The following BICC1 variants were observed in gnomAD, a reference collection of about 807,000 sequenced individuals.
BICC1 encodes BicC family RNA binding protein 1.
BICC1 carries 43 observed loss-of-function variants against 111.0 expected under a neutral mutation model. The observed-to-expected ratio is 0.39, with a 90% CI of 0.30 to 0.50. The LOEUF (loss-of-function observed/expected upper bound fraction) is 0.50, where lower values mean the gene tolerates loss of function less well. BICC1 is among the 20% of genes least tolerant of loss of function. The pLI is 0.88. For missense variants in BICC1, 1,091 were observed against 1,203.2 expected, an observed-to-expected ratio of 0.91 and a Z score of 1.38; for synonymous variants, 467 against 434.4, an observed-to-expected ratio of 1.07 and a Z score of -0.93.
chr10:58,606,553 A>G (rs1845221850), intron 1 of BICC1, among the ~76,000 whole-genome samples: 1 of 152,048 alleles, frequency 6.6e-6, no homozygotes, highest in Non-Finnish European at 1.5e-5. Flanking sequence ...CCTAAAACTT[A>G]AAGTATAATA....
chr10:58,559,345 T>A (rs1224595719), intron 1 of BICC1, among the ~76,000 whole-genome samples: 2 of 152,218 alleles, frequency 1.3e-5, no homozygotes, highest in East Asian at 3.9e-4. Flanking sequence ...TTGTGTTTTT[T>A]TTTTGGTAAG....
At position 58,600,645 on chromosome 10, in the gene BICC1, T is replaced by C. The variant is rs138876225; in HGVS notation, c.191-20210T>C. On this transcript the variant is annotated intron_variant, in intron 1 of 20. Coordinates refer to ENST00000373886, the MANE Select transcript of BICC1 (RefSeq NM_001080512.3). ...AGTTTGAACTGTATGGGTCCACTTA[T>C]GTGTGGATTTTCTTGCACCTATGCC... Among the ~76,000 whole-genome samples, 294 of 152,272 alleles carry C rather than the reference T, an allele frequency of 1.9e-3. 1 individual carries two copies. Among genetic ancestry groups the C allele is most frequent in the African/African-American group, 6.7e-3 (279 of 41,572 alleles).
chr10:58,783,479 G>T (rs1049001906), intron 3 of BICC1, among the ~76,000 whole-genome samples: 2 of 151,840 alleles, frequency 1.3e-5, no homozygotes, highest in African/African-American at 4.8e-5. Flanking sequence ...GTGGGATGGG[G>T]GTGGGAGATC....
In BICC1 at chr10:58,786,927, A is replaced by G. The variant is rs745977190; in HGVS notation, c.392A>G (p.Asn131Ser). The G allele has an allele frequency of 1.3e-6, 2 of 1,579,800 alleles. No individual in the cohort carries two copies. The highest frequency in any genetic ancestry group is 1.9e-5 in the Admixed American group (1 of 52,182). The change falls in exon 5 of 21, where the codon AAT becomes AGT. Residue 131 changes from asparagine (N) to serine (S), a missense_variant. Transcript: ENST00000373886. The stretch of plus-strand genomic sequence containing the variant: ...TAATACATTATTTTCACATAGAGCA[A>G]TCGAGTCACACTGAAGATGGATGTT... The part of the protein sequence containing the change: ...MIMSVLDTKS[N>S]RVTLKMDVSH...
intron 1 of BICC1, among the ~76,000 whole-genome samples, chr10:58,552,908 C>T (rs116890823): frequency 4.1e-3 from 625 of 152,220 alleles, no homozygotes; most frequent in African/African-American, 7.8e-3. Flanking sequence ...GAACATTCCA[C>T]GTAGGCATGG....
intron 15 of BICC1, 37 bp from the exon 16 acceptor site, chr10:58,806,547 A>G: frequency 6.3e-7 from 1 of 1,586,606 alleles, no homozygotes; most frequent in Non-Finnish European, 8.7e-7. Flanking sequence ...ACATTTGGAG[A>G]GACTGTCAAT....
chr10:58,653,088 AT>A (rs1017237191), intron 2 of BICC1, among the ~76,000 whole-genome samples: 2 of 152,156 alleles, frequency 1.3e-5, no homozygotes, highest in South Asian at 2.1e-4. Flanking sequence ...CTAATCATTG[AT>A]TTTTTTATGA....
upstream of BICC1, among the ~76,000 whole-genome samples, chr10:58,512,346 A>G (rs765362068): frequency 2.6e-5 from 4 of 152,136 alleles, no homozygotes; most frequent in Non-Finnish European, 5.9e-5. Flanking sequence ...TTCTTCTCCA[A>G]GCCTTCTTTT....
At chr10:58,595,931 T>A (rs1844798991) in intron 1 of BICC1, among the ~76,000 whole-genome samples, 1 of 152,176 alleles carries the variant, frequency 6.6e-6, no homozygotes, top group African/African-American at 2.4e-5. Flanking sequence ...AGGAGCTGAT[T>A]TTTTGAAAAG....
At chr10:58,628,126 T>C (rs973106150) in intron 2 of BICC1, among the ~76,000 whole-genome samples, 1 of 152,138 alleles carries the variant, frequency 6.6e-6, no homozygotes, top group Non-Finnish European at 1.5e-5. Flanking sequence ...AGTGGTGAGA[T>C]TGTGATTGGT....
At chr10:58,603,813 G>C (rs16912415) in intron 1 of BICC1, among the ~76,000 whole-genome samples, 1 of 151,942 alleles carries the variant, frequency 6.6e-6, no homozygotes. Flanking sequence ...CATTCTGTTC[G>C]TTCAATTTCT....
intron 1 of BICC1, among the ~76,000 whole-genome samples, chr10:58,596,363 C>T (rs932082034): frequency 1.3e-5 from 2 of 152,136 alleles, no homozygotes; most frequent in Non-Finnish European, 2.9e-5. Context: ...ATTCAGCACC[C>T]CTTCATGCTA....
chr10:58,765,668 T>C (rs1207178298), intron 3 of BICC1, among the ~76,000 whole-genome samples: 17 of 152,178 alleles, frequency 1.1e-4, no homozygotes, highest in Admixed American at 1.1e-3. Flanking sequence ...GGCCAAATCA[T>C]AAATGAAGTA....
intron 2 of BICC1, among the ~76,000 whole-genome samples, chr10:58,678,821 A>G (rs1459650318): frequency 6.6e-6 from 1 of 152,228 alleles, no homozygotes; most frequent in Non-Finnish European, 1.5e-5. Flanking sequence ...AAGAATGGAA[A>G]TCATAACAAT....
In BICC1 at chr10:58,799,084, T is replaced by C. The variant is rs1196839597; in HGVS notation, c.1557T>C (p.Ile519=). The C allele has an allele frequency of 5.6e-6, 9 of 1,612,082 alleles. No individual in the cohort carries two copies. Among genetic ancestry groups the C allele is most frequent in the Non-Finnish European group, 7.6e-6 (9 of 1,178,776 alleles). The change falls in exon 12 of 21, where the codon ATT becomes ATC. Residue 519 remains isoleucine (I), a synonymous_variant. Coordinates refer to ENST00000373886, the MANE Select transcript of BICC1 (RefSeq NM_001080512.3). ...TGFSAIPHLM[I]PSTAQATLTN... ...TTTCTGCTATACCACACCTTATGAT[T>C]CCATCTACTGCCCAAGCCACATTAA... is the stretch of plus-strand genomic sequence containing the variant.
At chr10:58,523,190 C>T (rs1842438885) in intron 1 of BICC1, among the ~76,000 whole-genome samples, 1 of 152,142 alleles carries the variant, frequency 6.6e-6, no homozygotes, top group African/African-American at 2.4e-5. Flanking sequence ...GGGAATCCTC[C>T]CTAACTCATT....
At chr10:58,811,814 C>T (rs573005862) in intron 17 of BICC1, among the ~76,000 whole-genome samples, 3 of 152,216 alleles carry the variant, frequency 2.0e-5, no homozygotes, top group South Asian at 2.1e-4. Context: ...CAAGCTAAAA[C>T]CTAGATGCCA....
chr10:58,607,582 C>T (rs971654512), intron 1 of BICC1, among the ~76,000 whole-genome samples: 18 of 151,958 alleles, frequency 1.2e-4, no homozygotes, highest in African/African-American at 4.4e-4. Flanking sequence ...CATTCTCTTT[C>T]CCACTCCTCC....
At chr10:58,666,434 CA>C (rs1399251847) in intron 2 of BICC1, among the ~76,000 whole-genome samples, 2 of 152,278 alleles carry the variant, frequency 1.3e-5, no homozygotes, top group East Asian at 3.9e-4. Flanking sequence ...GAGTCCTTCT[CA>C]GGCCATATTT....
Sources: allele counts gnomAD v4.1 joint callset (sites outside exome capture counted in the v4.1 genomes callset), GRCh38; gene constraint gnomAD v4.1.1; transcripts MANE v1.5; gene names NCBI Gene and HGNC (gene_info 2026-07-23, HGNC 2026-07-21).